GPR89A: variants seen among roughly 807,000 people sequenced by gnomAD.
GPR89A encodes the protein golgi pH regulator A, also known as G protein-coupled receptor 89A.
GPR89A carries 16 observed loss-of-function variants against 52.0 expected under a neutral mutation model. That is an observed-to-expected ratio of 0.31 (90% CI 0.21 to 0.47). The LOEUF (loss-of-function observed/expected upper bound fraction) is 0.47. Among genes scored for constraint, GPR89A ranks in the 20% least tolerant of loss-of-function variants. GPR89A has a pLI of 1.00. For synonymous variants in GPR89A, 55 were observed against 150.9 expected, an observed-to-expected ratio of 0.36 and a Z score of 4.66; for missense variants, 135 against 449.4, an observed-to-expected ratio of 0.30 and a Z score of 6.33.
At chr1:145,646,403 A>G (rs1650995101) in intron 9 of GPR89A, 131 bp downstream of exon 9, 1 of 677,848 alleles carries the variant, frequency 1.5e-6, no homozygotes, top group Non-Finnish European at 2.5e-6. Flanking sequence ...GCCATGAAGC[A>G]TTAGGGATAA....
chr1:145,608,060 G>T lies in GPR89A; in HGVS notation c.-74G>T. The T allele has an allele frequency of 6.3e-7, 1 of 1,580,446 alleles. No individual in the cohort carries two copies. The highest frequency in any genetic ancestry group is 1.7e-5 in the Admixed American group (1 of 59,340). On this transcript the variant is annotated 5_prime_UTR_variant, in exon 1 of 14. Coordinates refer to ENST00000313835, the MANE Select transcript of GPR89A (RefSeq NM_001097612.2). ...CCTGGGAGAAGGCAGACCGTGTGAG[G>T]GGGCCTGTGGCCCCAGCGTGCTGTG...
chr1:145,629,511 T>G (rs1337630289), intron 5 of GPR89A, among the ~76,000 whole-genome samples: 11 of 151,998 alleles, frequency 7.2e-5, no homozygotes, highest in Non-Finnish European at 1.6e-4. Flanking sequence ...AAGATAAGGA[T>G]TAGTCAATAG....
chr1:145,636,256 A>T (rs1219654061), intron 7 of GPR89A, among the ~76,000 whole-genome samples: 1 of 151,328 alleles, frequency 6.6e-6, no homozygotes, highest in Non-Finnish European at 1.5e-5. Flanking sequence ...GGCCCTTGGG[A>T]TTCATATAAT....
chr1:145,668,895 C>T lies in GPR89A; in HGVS notation c.1096-730C>T, dbSNP rs587647551. ...GTTTATTGATTTGCATATGTTGAAC[C>T]AGCCTTGCATCCCAGGGATGAAGCC... On this transcript the variant is annotated intron_variant, in intron 12 of 13. Transcript: ENST00000313835. Among the ~76,000 whole-genome samples the T allele has an allele frequency of 2.2e-3, 330 of 152,242 alleles. 1 individual carries two copies. The highest frequency in any genetic ancestry group is 3.5e-3 in the Non-Finnish European group (241 of 68,014).
intron 5 of GPR89A, among the ~76,000 whole-genome samples, chr1:145,625,037 C>T (rs1649395826): frequency 6.6e-6 from 1 of 151,938 alleles, no homozygotes; most frequent in Non-Finnish European, 1.5e-5. Context: ...CTCCCACACA[C>T]CCTTCCATGT....
intron 10 of GPR89A, among the ~76,000 whole-genome samples, chr1:145,660,565 G>A (rs1229265613): frequency 2.0e-5 from 3 of 152,052 alleles, no homozygotes; most frequent in African/African-American, 7.3e-5. Flanking sequence ...ATCTGACAAA[G>A]GGCTAATATC....
At chr1:145,645,425 G>A (rs1476916320) in intron 8 of GPR89A, 13 of 362,088 alleles carry the variant, frequency 3.6e-5, no homozygotes, top group African/African-American at 6.4e-5. Flanking sequence ...CCAATAATAC[G>A]GGTTTGAGCT....
At chr1:145,619,872 G>A (rs1553687798) in intron 3 of GPR89A, among the ~76,000 whole-genome samples, 1 of 151,710 alleles carries the variant, frequency 6.6e-6, no homozygotes, top group African/African-American at 2.4e-5. Flanking sequence ...AAAATTAGCT[G>A]GGCGTGGTGG....
In GPR89A at chr1:145,626,361, C is replaced by A. The variant is rs1474478115; in HGVS notation, c.415+2647C>A. Among the ~76,000 whole-genome samples the A allele has an allele frequency of 1.3e-4, 20 of 152,058 alleles. 1 individual carries two copies. Among genetic ancestry groups the A allele is most frequent in the African/African-American group, 4.1e-4 (17 of 41,396 alleles). On this transcript the variant is annotated intron_variant, in intron 5 of 13. Coordinates refer to ENST00000313835, the MANE Select transcript of GPR89A (RefSeq NM_001097612.2). ...AGAGGGAAGATGAAGGCCATTGTAT[C>A]TATTGTCCTTTCATCCACCCCTTTT... is the stretch of plus-strand genomic sequence containing the variant.
chr1:145,667,033 A>G (rs1182322024), intron 12 of GPR89A, among the ~76,000 whole-genome samples: 5 of 150,980 alleles, frequency 3.3e-5, no homozygotes, highest in African/African-American at 9.7e-5. Flanking sequence ...AATATTGCAC[A>G]TGCAATAAAC....
At chr1:145,626,067 GC>G (rs1649476420) in intron 5 of GPR89A, among the ~76,000 whole-genome samples, 1 of 150,540 alleles carries the variant, frequency 6.6e-6, no homozygotes, top group Non-Finnish European at 1.5e-5. Context: ...TGATCAGCAT[GC>G]CTATGTCAAT....
intron 7 of GPR89A, among the ~76,000 whole-genome samples, chr1:145,639,237 T>TCAAAATCC (rs1650464709): frequency 6.6e-6 from 1 of 151,874 alleles, no homozygotes; most frequent in South Asian, 2.1e-4. Flanking sequence ...GTTATTCATT[T>TCAAAATCC]CAAAATCCCA....
intron 8 of GPR89A, 57 bp downstream of exon 8, chr1:145,644,035 A>C: frequency 6.8e-6 from 1 of 147,510 alleles, no homozygotes; most frequent in South Asian, 4.7e-5. Flanking sequence ...AGAGCAAAAG[A>C]AAAAAAGTAG....
At chr1:145,613,471 C>T (rs1168182020) in intron 1 of GPR89A, among the ~76,000 whole-genome samples, 83 of 152,064 alleles carry the variant, frequency 5.5e-4, no homozygotes, top group African/African-American at 1.9e-3. Context: ...GCCACCATAC[C>T]GCTCTATATA....
At chr1:145,666,752 G>T (rs1652592631) in intron 12 of GPR89A, among the ~76,000 whole-genome samples, 1 of 135,940 alleles carries the variant, frequency 7.4e-6, no homozygotes. Context: ...CCCTTCCTGT[G>T]TCCAAGTGTT....
intron 10 of GPR89A, among the ~76,000 whole-genome samples, chr1:145,662,724 T>A (rs1439649297): frequency 2.0e-5 from 3 of 152,238 alleles, no homozygotes; most frequent in African/African-American, 7.2e-5. Flanking sequence ...GCTCACCTAT[T>A]ATGCAGACCA....
chr1:145,615,176 G>A (rs74119463), intron 1 of GPR89A, among the ~76,000 whole-genome samples: 4,619 of 152,078 alleles, frequency 0.03, 215 homozygotes, highest in African/African-American at 0.1. Flanking sequence ...GCAATCTCTC[G>A]GCTTTACATT....
At chr1:145,668,536 C>T (rs1200170298) in intron 12 of GPR89A, among the ~76,000 whole-genome samples, 7 of 152,136 alleles carry the variant, frequency 4.6e-5, no homozygotes, top group African/African-American at 1.4e-4. Flanking sequence ...ATTTGACTTC[C>T]TCTTTTTCTG....
intron 5 of GPR89A, among the ~76,000 whole-genome samples, chr1:145,626,189 CAGAG>C (rs1204740510): frequency 6.6e-6 from 1 of 150,658 alleles, no homozygotes; most frequent in Admixed American, 6.6e-5. Flanking sequence ...CGGTAGAAGT[CAGAG>C]AGAAGAGTTA....
Sources: gnomAD v4.1 joint callset for allele counts (sites outside exome capture counted in the v4.1 genomes callset) on GRCh38, gnomAD v4.1.1 for gene constraint, MANE v1.5 for transcripts, NCBI Gene and HGNC (gene_info 2026-07-23, HGNC 2026-07-21) for gene names.